The following JAK1 variants were observed in gnomAD, a reference collection of about 807,000 sequenced individuals.
The protein encoded by JAK1 is Janus kinase 1.
A neutral mutation model predicts 136.6 loss-of-function variants in JAK1; 16 were observed. The ratio of observed to expected loss-of-function variants is 0.12; its 90% CI spans 0.08 to 0.18. The LOEUF (loss-of-function observed/expected upper bound fraction) is 0.18, where lower values mean the gene tolerates loss of function less well. Among genes scored for constraint, JAK1 ranks in the 10% least tolerant of loss-of-function variants. JAK1 has a pLI of 1.00. For synonymous variants in JAK1, 492 were observed against 519.5 expected (o/e 0.95, Z 0.72); for missense variants, 859 against 1,450.1 (o/e 0.59, Z 6.62).
At chr1:65,040,973 A>G (rs1647126759) in intron 2 of JAK1, among the ~76,000 whole-genome samples, 1 of 152,156 alleles carries the variant, frequency 6.6e-6, no homozygotes, top group Admixed American at 6.5e-5. Context: ...ACAAAGATGT[A>G]TATCATCGCT....
chr1:64,977,612 AATAG>A (rs1646507913), intron 2 of JAK1, among the ~76,000 whole-genome samples: 1 of 151,618 alleles, frequency 6.6e-6, no homozygotes, highest in Admixed American at 6.6e-5. Context: ...TTGTGTTTTT[AATAG>A]AGACGGGGGT....
At chr1:64,853,042 T>A (rs911139578) in intron 11 of JAK1, among the ~76,000 whole-genome samples, 6 of 152,166 alleles carry the variant, frequency 3.9e-5, no homozygotes, top group African/African-American at 1.4e-4. Context: ...TTTTTATTTA[T>A]CCCATGAAGA....
chr1:64,976,914 G>C (rs960437568), intron 2 of JAK1, among the ~76,000 whole-genome samples: 1 of 152,086 alleles, frequency 6.6e-6, no homozygotes, highest in Non-Finnish European at 1.5e-5. Context: ...GTATTAGATC[G>C]TGTGTCTTGA....
intron 1 of JAK1, among the ~76,000 whole-genome samples, chr1:64,917,317 G>T (rs759871256): frequency 6.6e-6 from 1 of 152,056 alleles, no homozygotes; most frequent in African/African-American, 2.4e-5. Context: ...TATGAAGGAA[G>T]AATCAAGATA....
chr1:65,038,964 T>TGTGTGTGTGTG (rs1647103423), intron 2 of JAK1, among the ~76,000 whole-genome samples: 1 of 100,120 alleles, frequency 1.0e-5, no homozygotes, highest in African/African-American at 4.0e-5. Flanking sequence ...GTGTGTGTGT[T>TGTGTGTGTGTG]TGTGTGTGTT....
intron 15 of JAK1, 57 bp downstream of exon 15, chr1:64,845,456 C>T: frequency 6.2e-7 from 1 of 1,603,998 alleles, no homozygotes; most frequent in South Asian, 1.1e-5. Context: ...TCCTGCCACC[C>T]CTCCCAGGAC....
chr1:65,044,118 A>C (rs913943552), intron 2 of JAK1, among the ~76,000 whole-genome samples: 4 of 152,182 alleles, frequency 2.6e-5, no homozygotes, highest in Admixed American at 2.6e-4. Flanking sequence ...CGGCCTCCCA[A>C]AATGCTGGGA....
At position 64,860,092 on chromosome 1, in the gene JAK1, T is replaced by G. The variant is rs2101071567; in HGVS notation, c.1334+13A>C. The G allele has an allele frequency of 6.4e-7, 1 of 1,554,952 alleles. No individual in the cohort carries two copies. The highest frequency in any genetic ancestry group is 8.7e-7 in the Non-Finnish European group (1 of 1,144,242). ...TGCACACCAAAGGCAACTGATAAGGTTCTAGGACCAACCAGATTGGACCAT... is the reference window on the plus strand; with the variant it reads ...TGCACACCAAAGGCAACTGATAAGGGTCTAGGACCAACCAGATTGGACCAT... On this transcript the variant is annotated intron_variant, in intron 9 of 24. Coordinates refer to ENST00000342505, the MANE Select transcript of JAK1 (RefSeq NM_002227.4).
At chr1:64,953,395 C>A (rs1569708151) in intron 1 of JAK1, among the ~76,000 whole-genome samples, 1 of 152,250 alleles carries the variant, frequency 6.6e-6, no homozygotes, top group African/African-American at 2.4e-5. Flanking sequence ...TGGCAGAGGA[C>A]AGCCTCACAT....
At chr1:65,029,924 G>C (rs1018686012) in intron 2 of JAK1, among the ~76,000 whole-genome samples, 1 of 151,846 alleles carries the variant, frequency 6.6e-6, no homozygotes, top group African/African-American at 2.4e-5. Context: ...TAAGAAACTT[G>C]CACATGTACT....
At chr1:65,056,132 A>C (rs1647524320) in intron 1 of JAK1, among the ~76,000 whole-genome samples, 1 of 152,056 alleles carries the variant, frequency 6.6e-6, no homozygotes, top group Admixed American at 6.5e-5. Flanking sequence ...AAGTTCTTCC[A>C]GAGTTTCTGT....
intron 20 of JAK1, among the ~76,000 whole-genome samples, chr1:64,838,961 C>T (rs535223730): frequency 1.4e-4 from 21 of 150,784 alleles, no homozygotes; most frequent in African/African-American, 2.9e-4. Flanking sequence ...CTGGCTAACA[C>T]GGTGAAACCC....
intron 2 of JAK1, among the ~76,000 whole-genome samples, chr1:65,039,817 C>A (rs1390805024): frequency 6.6e-6 from 1 of 152,188 alleles, no homozygotes; most frequent in Non-Finnish European, 1.5e-5. Context: ...GGATTCCCCC[C>A]ATTCCCCTAG....
chr1:64,972,155 C>A (rs1646457927), intron 2 of JAK1: 1 of 152,152 alleles, frequency 6.6e-6, no homozygotes, highest in Non-Finnish European at 1.5e-5. Flanking sequence ...AGATAATATT[C>A]CCCCTACCTA....
intron 5 of JAK1, among the ~76,000 whole-genome samples, chr1:64,871,987 T>C (rs1202938806): frequency 6.6e-6 from 1 of 152,208 alleles, no homozygotes; most frequent in East Asian, 1.9e-4. Context: ...GCTCTGTGTA[T>C]GCAATCTGCC....
At chr1:64,868,014 G>A (rs748154506) in intron 6 of JAK1, among the ~76,000 whole-genome samples, 4 of 150,866 alleles carry the variant, frequency 2.7e-5, no homozygotes, top group Non-Finnish European at 5.9e-5. Flanking sequence ...ACAAAAAAGA[G>A]AGAGAGAGAG....
At chr1:65,064,490 T>C (rs1000006140) in intron 1 of JAK1, among the ~76,000 whole-genome samples, 5 of 152,210 alleles carry the variant, frequency 3.3e-5, no homozygotes, top group Non-Finnish European at 7.3e-5. Context: ...CTTCAGTGAT[T>C]ATCGTTTATT....
intron 1 of JAK1, among the ~76,000 whole-genome samples, chr1:64,930,352 A>G (rs1432014402): frequency 1.3e-5 from 2 of 152,226 alleles, no homozygotes; most frequent in African/African-American, 4.8e-5. Context: ...ATGAACAGAC[A>G]TTTCTCAAAA....
At chr1:64,874,445 T>C (rs1156733403) in intron 4 of JAK1, among the ~76,000 whole-genome samples, 1 of 152,154 alleles carries the variant, frequency 6.6e-6, no homozygotes, top group Non-Finnish European at 1.5e-5. Flanking sequence ...GTTTATGTTA[T>C]TGGTAAGGCT....
Sources: allele counts gnomAD v4.1 joint callset (sites outside exome capture counted in the v4.1 genomes callset), GRCh38; gene constraint gnomAD v4.1.1; transcripts MANE v1.5; gene names NCBI Gene and HGNC (gene_info 2026-07-23, HGNC 2026-07-21).